TRPM1: variants seen among roughly 807,000 people sequenced by gnomAD.
TRPM1 encodes TRPM1-203 APA Isoform, Intron 10.
Under a neutral mutation model 149.4 loss-of-function variants are expected in TRPM1, and 113 were observed. That is an observed-to-expected ratio of 0.76 (90% confidence interval 0.65 to 0.88). TRPM1 has a LOEUF of 0.88. Ranked by LOEUF, TRPM1 falls within the 40% of genes least tolerant of loss-of-function variation. The pLI, the probability that TRPM1 is intolerant of heterozygous loss-of-function variation, is 0.00. For missense variants in TRPM1, 1,976 were observed against 2,038.7 expected (o/e 0.97, Z 0.59); for synonymous variants, 741 against 759.5 (o/e 0.98, Z 0.40).
intron 11 of TRPM1, among the ~76,000 whole-genome samples, chr15:31,052,208 T>A (rs1387012712): frequency 6.6e-6 from 1 of 152,164 alleles, no homozygotes. Context: ...AACCCTTAAG[T>A]AGGGCTGAGG....
chr15:31,083,504 C>T (rs953959055), intron 1 of TRPM1, among the ~76,000 whole-genome samples: 7 of 152,178 alleles, frequency 4.6e-5, no homozygotes, highest in Non-Finnish European at 7.4e-5. Flanking sequence ...TTGCCCGGCT[C>T]CTAGGGGCAC....
At chr15:31,142,906 T>G (rs1387066431) in intron 1 of TRPM1, among the ~76,000 whole-genome samples, 2 of 152,234 alleles carry the variant, frequency 1.3e-5, no homozygotes, top group Non-Finnish European at 2.9e-5. Flanking sequence ...TGTATGAGAT[T>G]TCTAGAAATC....
rs114824209 is a variant in TRPM1, at chr15:31,160,471, C to T, written c.54+435G>A. ...CCATCCCCTAAGGGCGAGGCCCAAG[C>T]CTGAGTCATCCCTGGGTCCCCATGG... is the stretch of plus-strand genomic sequence containing the variant. On this transcript the variant is annotated intron_variant, in intron 1 of 26. Transcript: ENST00000542188. 7.5e-3 allele frequency among the ~76,000 whole-genome samples: 1,146 copies of T among 152,298 alleles called. 13 individuals are homozygous for T. The highest frequency in any genetic ancestry group is 0.026 in the African/African-American group (1,095 of 41,560).
intron 1 of TRPM1, among the ~76,000 whole-genome samples, chr15:31,122,541 T>C (rs1423376629): frequency 1.3e-5 from 2 of 152,136 alleles, no homozygotes; most frequent in South Asian, 2.1e-4. Flanking sequence ...ATATCAGATA[T>C]GAACAACTGG....
chr15:31,135,782 A>G (rs1475502535), intron 1 of TRPM1, among the ~76,000 whole-genome samples: 1 of 152,104 alleles, frequency 6.6e-6, no homozygotes, highest in African/African-American at 2.4e-5. Context: ...CTCTCGCCAC[A>G]TGATCTCTGC....
Position 31,026,047 on chromosome 15 carries a change from G to T in TRPM1, c.3629+92C>A, listed in dbSNP as rs865915143. On this transcript the variant is annotated intron_variant, in intron 27 of 27. Coordinates refer to ENST00000256552, the MANE Select transcript of TRPM1 (RefSeq NM_001252024.2). ...TAAAACAGGAGAACTCGGAGTGCAT[G>T]TTTAAATGAACTCTGGCATCCCCCA... The T allele has an allele frequency of 4.5e-6, 7 of 1,557,718 alleles. No homozygotes were observed. In the African/African-American group the frequency reaches 8.1e-5, roughly 18 times the overall value.
chr15:31,019,276 G>A (rs1180755866), intron 27 of TRPM1, among the ~76,000 whole-genome samples: 1 of 152,176 alleles, frequency 6.6e-6, no homozygotes, highest in East Asian at 1.9e-4. Flanking sequence ...ATACAGGGCT[G>A]CCTTTTACAT....
rs748410396 is a variant in TRPM1, at chr15:31,041,916, C to T, written c.2087+35G>A. ...AGAGACAAGTACTCAGGATGGTCAT[C>T]TCTCCTGGCCTTTAAATCCCCGCTA... On this transcript the variant is annotated intron_variant, in intron 17 of 27. Transcript: ENST00000256552. 3 of 1,613,256 alleles carry T rather than the reference C, an allele frequency of 1.9e-6. No homozygotes were observed. In the Admixed American group the frequency reaches 5.0e-5, roughly 27 times the overall value.
At chr15:31,004,770 C>T (rs1337051080) in intron 27 of TRPM1, among the ~76,000 whole-genome samples, 1 of 152,090 alleles carries the variant, frequency 6.6e-6, no homozygotes, top group Non-Finnish European at 1.5e-5. Flanking sequence ...ATTAACTTTC[C>T]ATTACTTCTG....
intron 7 of TRPM1, among the ~76,000 whole-genome samples, chr15:31,063,655 G>A (rs762498213): frequency 3.3e-5 from 5 of 152,036 alleles, no homozygotes; most frequent in South Asian, 2.1e-4. Flanking sequence ...GTCTTGCCAT[G>A]TTGCCCAGGC....
At chr15:31,121,802 G>A (rs2035884639) in intron 1 of TRPM1, among the ~76,000 whole-genome samples, 1 of 152,036 alleles carries the variant, frequency 6.6e-6, no homozygotes, top group Non-Finnish European at 1.5e-5. Context: ...AGAAGGAATA[G>A]TTCCTAACAT....
rs189460788 is a variant in TRPM1 at position 31,001,640 on chromosome 15, C to T, written c.*182G>A. The T allele has an allele frequency of 7.7e-6, 5 of 650,168 alleles. No individual in the cohort carries two copies. In the East Asian group the frequency reaches 1.4e-4, roughly 18 times the overall value. The allele number at this position is 650,168 out of a possible 1,614,324, so 40.3% of individuals were successfully genotyped here. ...TTTGATACTACTGCAACTGAAAAAACTAAGCCTACTAACATATGCTAACAA... is the reference window on the plus strand; with the variant it reads ...TTTGATACTACTGCAACTGAAAAAATTAAGCCTACTAACATATGCTAACAA... On this transcript the variant is annotated 3_prime_UTR_variant, in exon 28 of 28. Coordinates refer to ENST00000256552, the MANE Select transcript of TRPM1 (RefSeq NM_001252024.2).
At chr15:31,069,518 G>C (rs1420231168) in intron 4 of TRPM1, 5 of 1,128,258 alleles carry the variant, frequency 4.4e-6, no homozygotes, top group Non-Finnish European at 5.4e-6. Flanking sequence ...TCACAGAGCT[G>C]AAGCCTCCCC....
At chr15:31,082,434 T>C (rs970849784) in intron 1 of TRPM1, among the ~76,000 whole-genome samples, 1 of 152,196 alleles carries the variant, frequency 6.6e-6, no homozygotes, top group Non-Finnish European at 1.5e-5. Flanking sequence ...TGAGCTGTGA[T>C]TTTCTCATCT....
chr15:31,148,698 C>T (rs1001581119), intron 1 of TRPM1, among the ~76,000 whole-genome samples: 2 of 152,168 alleles, frequency 1.3e-5, no homozygotes, highest in Admixed American at 6.5e-5. Flanking sequence ...ACTCTCCTGG[C>T]CTTGGTGCTG....
At chr15:31,065,978 ATCT>A in intron 7 of TRPM1, 95 bp downstream of exon 7, 1 of 1,429,772 alleles carries the variant, frequency 7.0e-7, no homozygotes, top group South Asian at 1.3e-5. Flanking sequence ...AGCAAGGTTA[ATCT>A]TCTAATCCCC....
At chr15:31,154,964 C>T (rs1455718494) in intron 1 of TRPM1, among the ~76,000 whole-genome samples, 2 of 152,142 alleles carry the variant, frequency 1.3e-5, no homozygotes, top group African/African-American at 2.4e-5. Flanking sequence ...CTCTGCTCCC[C>T]GAATGCTCAG....
intron 1 of TRPM1, among the ~76,000 whole-genome samples, chr15:31,155,683 G>GGGAAGGA (rs1428640548): frequency 6.6e-6 from 1 of 152,084 alleles, no homozygotes; most frequent in Non-Finnish European, 1.5e-5. Flanking sequence ...CTTAAAAGGA[G>GGGAAGGA]GGAAGGAAGA....
At chr15:31,029,615 T>C (rs1480169127) in intron 23 of TRPM1, among the ~76,000 whole-genome samples, 1 of 152,214 alleles carries the variant, frequency 6.6e-6, no homozygotes, top group East Asian at 1.9e-4. Flanking sequence ...TTCTAGAAAA[T>C]ATATATCATG....
Sources: gnomAD v4.1 joint callset for allele counts (sites outside exome capture counted in the v4.1 genomes callset) on GRCh38, gnomAD v4.1.1 for gene constraint, MANE v1.5 for transcripts, NCBI Gene and HGNC (gene_info 2026-07-23, HGNC 2026-07-21) for gene names.